The following TATDN3 variants were observed in gnomAD, a reference collection of about 807,000 sequenced individuals.
The protein encoded by TATDN3 is deoxyribonuclease TATDN3.
A neutral mutation model predicts 40.1 loss-of-function variants in TATDN3; 29 were observed. The ratio of observed to expected loss-of-function variants is 0.72; its 90% CI spans 0.54 to 0.99. The LOEUF (loss-of-function observed/expected upper bound fraction) is 0.99. Ranked by LOEUF, TATDN3 falls within the 50% of genes least tolerant of loss-of-function variation. TATDN3 has a pLI of 0.00. For synonymous variants in TATDN3, 105 were observed against 117.0 expected, an observed-to-expected ratio of 0.90 and a Z score of 0.66; for missense variants, 309 against 321.9, an observed-to-expected ratio of 0.96 and a Z score of 0.31.
At chr1:212,794,846 A>G (rs925493810) in intron 1 of TATDN3, 15 of 618,960 alleles carry the variant, frequency 2.4e-5, no homozygotes, top group Middle Eastern at 2.5e-4. Context: ...GTAGAGTAAG[A>G]TGAGGACAGA....
At chr1:212,804,042 A>G (rs937597312) in intron 5 of TATDN3, among the ~76,000 whole-genome samples, 1 of 151,760 alleles carries the variant, frequency 6.6e-6, no homozygotes, top group African/African-American at 2.4e-5. Flanking sequence ...TCTCAACAAA[A>G]CAAACAAAAA....
chr1:212,792,114 T>C, intron 1 of TATDN3, 127 bp downstream of exon 1: 1 of 912,194 alleles, frequency 1.1e-6, no homozygotes, highest in Non-Finnish European at 1.7e-6. Context: ...TTTATGGCCA[T>C]ATGACCTTGC....
chr1:212,806,747 CATATATATAT>C (rs71495077), intron 7 of TATDN3, among the ~76,000 whole-genome samples: 659 of 43,934 alleles, frequency 0.015, 90 homozygotes, highest in South Asian at 0.025. Context: ...TCTCTCTCTC[CATATATATAT>C]ATATATATAT....
intron 4 of TATDN3, among the ~76,000 whole-genome samples, chr1:212,801,692 G>A (rs1662189785): frequency 6.6e-6 from 1 of 152,102 alleles, no homozygotes; most frequent in Admixed American, 6.6e-5. Flanking sequence ...GCTTTGCCTG[G>A]AACTGTTTAA....
chr1:212,804,527 C>T, intron 6 of TATDN3, 69 bp from the exon 7 acceptor site: 1 of 1,565,698 alleles, frequency 6.4e-7, no homozygotes, highest in Non-Finnish European at 8.7e-7. Context: ...TTTCTCCAAA[C>T]TACTTTAATA....
intron 9 of TATDN3, among the ~76,000 whole-genome samples, chr1:212,813,636 C>T (rs922199482): frequency 2.0e-5 from 3 of 149,286 alleles, no homozygotes; most frequent in African/African-American, 7.4e-5. Context: ...GTGATCACAG[C>T]AACCTCGACT....
intron 9 of TATDN3, among the ~76,000 whole-genome samples, chr1:212,813,860 G>A (rs1181606987): frequency 6.6e-6 from 1 of 151,976 alleles, no homozygotes; most frequent in Non-Finnish European, 1.5e-5. Flanking sequence ...ACAGGCTTGT[G>A]CCACCACGCC....
At chr1:212,806,746 CCATATATATATATATATA>C (rs1662503019) in intron 7 of TATDN3, among the ~76,000 whole-genome samples, 1 of 45,188 alleles carries the variant, frequency 2.2e-5, no homozygotes, top group Non-Finnish European at 3.8e-5. Flanking sequence ...CTCTCTCTCT[CCATATATATATATATATA>C]TATATATATA....
In TATDN3 at chr1:212,797,169, A is replaced by G; in HGVS notation, c.231A>G (p.Pro77=). 1 of 1,614,136 alleles carries G rather than the reference A, an allele frequency of 6.2e-7. No individual in the cohort carries two copies. The change falls in exon 4 of 10, where the codon CCA becomes CCG. Residue 77 remains proline (P), a synonymous_variant. Transcript: ENST00000366974. ...TTCATCCAGTTCAAGGACTTCCACC[A>G]GAAGACCAAAGAAGTGTCACACTAA... ...LGVHPVQGLP[P]EDQRSVTLKD... is the part of the protein sequence containing the mutation.
intron 2 of TATDN3, 87 bp downstream of exon 2, chr1:212,795,214 C>G: frequency 1.2e-6 from 1 of 819,780 alleles, no homozygotes; most frequent in Non-Finnish European, 2.0e-6. Context: ...GATATACTAC[C>G]TTGATGTTTC....
chr1:212,794,533 A>G (rs778666357), intron 1 of TATDN3: 8 of 299,058 alleles, frequency 2.7e-5, no homozygotes, highest in Admixed American at 2.0e-4. Context: ...AGAGGTGGCA[A>G]TGAGCCGAGA....
chr1:212,813,385 A>AC (rs1366922452), intron 9 of TATDN3, among the ~76,000 whole-genome samples: 1 of 152,146 alleles, frequency 6.6e-6, no homozygotes, highest in Non-Finnish European at 1.5e-5. Flanking sequence ...GCCTTTGACT[A>AC]CCCATCAGAT....
chr1:212,802,267 A>T (rs143348778), intron 4 of TATDN3, among the ~76,000 whole-genome samples: 6 of 152,360 alleles, frequency 3.9e-5, no homozygotes, highest in Non-Finnish European at 8.8e-5. Flanking sequence ...GTGCAAAGGA[A>T]GTATGGGATT....
chr1:212,804,356 G>A lies in TATDN3; in HGVS notation c.358G>A (p.Gly120Ser), dbSNP rs372753312. 6.2e-7 allele frequency: 1 copy of A among 1,614,018 alleles called. No individual in the cohort carries two copies. Among genetic ancestry groups the A allele is most frequent in the Non-Finnish European group, 8.5e-7 (1 of 1,179,968 alleles). ...LDFSPRFAGT[G>S]EQKEEQRQVL... ...TTTCTCCCCCAGATTTGCTGGCACT[G>A]GTGAACAGAAGGAAGAGCAAAGACA... The change falls in exon 6 of 10, where the codon GGT becomes AGT. Residue 120 changes from glycine to serine, a missense_variant. Coordinates refer to ENST00000366974, the MANE Select transcript of TATDN3 (RefSeq NM_001042552.3).
chr1:212,795,032 A>G (rs2102429050), intron 1 of TATDN3, 63 bp from the exon 2 acceptor site: 2 of 1,312,810 alleles, frequency 1.5e-6, no homozygotes, highest in South Asian at 2.4e-5. Flanking sequence ...ACATTGACAT[A>G]TACAGTCCAA....
At chr1:212,808,887 T>G (rs1280036315) in intron 8 of TATDN3, among the ~76,000 whole-genome samples, 1 of 152,136 alleles carries the variant, frequency 6.6e-6, no homozygotes, top group East Asian at 1.9e-4. Context: ...ACACAAAAAC[T>G]TGTACATAAA....
At chr1:212,806,250 A>G (rs1254940549) in intron 7 of TATDN3, among the ~76,000 whole-genome samples, 1 of 152,136 alleles carries the variant, frequency 6.6e-6, no homozygotes, top group Admixed American at 6.6e-5. Context: ...TTGTTAAGAT[A>G]ATCCATTTGA....
intron 8 of TATDN3, 59 bp from the exon 9 acceptor site, chr1:212,812,189 A>T: frequency 9.1e-7 from 1 of 1,104,822 alleles, no homozygotes; most frequent in Non-Finnish European, 1.3e-6. Context: ...ATGTCAATTT[A>T]ATGCTCTTTA....
intron 7 of TATDN3, among the ~76,000 whole-genome samples, chr1:212,806,368 CTTTTT>C (rs771628190): frequency 7.5e-6 from 1 of 132,510 alleles, no homozygotes; most frequent in Non-Finnish European, 1.6e-5. Flanking sequence ...TTCTCTCTCT[CTTTTT>C]TTTTTTTTTT....
Sources: gnomAD v4.1 joint callset for allele counts (sites outside exome capture counted in the v4.1 genomes callset) on GRCh38, gnomAD v4.1.1 for gene constraint, MANE v1.5 for transcripts, NCBI Gene and HGNC (gene_info 2026-07-23, HGNC 2026-07-21) for gene names.